Variants in CEP128 observed in about 807,000 individuals in gnomAD.
The protein encoded by CEP128 is centrosomal protein 128, also known as centrosomal protein 128kDa.
A neutral mutation model predicts 156.7 loss-of-function variants in CEP128; 132 were observed. The observed-to-expected ratio is 0.84, with a 90% CI of 0.73 to 0.97. The LOEUF is 0.97. Among genes scored for constraint, CEP128 ranks in the 50% least tolerant of loss-of-function variants. The pLI, the probability that CEP128 is intolerant of heterozygous loss-of-function variation, is 0.00. For missense variants in CEP128, 1,252 were observed against 1,281.9 expected (o/e 0.98, Z 0.36); for synonymous variants, 469 against 448.9 (o/e 1.04, Z -0.57).
intron 19 of CEP128, among the ~76,000 whole-genome samples, chr14:80,585,549 A>G (rs1026248843): frequency 2.0e-5 from 3 of 152,198 alleles, no homozygotes; most frequent in Non-Finnish European, 2.9e-5. Flanking sequence ...CCATATTACA[A>G]CTAAGCCCAA....
intron 19 of CEP128, among the ~76,000 whole-genome samples, chr14:80,621,451 T>A (rs1893476740): frequency 6.6e-6 from 1 of 152,222 alleles, no homozygotes; most frequent in Admixed American, 6.5e-5. Flanking sequence ...TGTGTTCTTA[T>A]ATTAATGATA....
intron 12 of CEP128, among the ~76,000 whole-genome samples, chr14:80,833,241 A>G (rs186845638): frequency 6.6e-6 from 1 of 151,908 alleles, no homozygotes; most frequent in African/African-American, 2.4e-5. Flanking sequence ...GTTTCTTGAT[A>G]TATACACATG....
At position 80,624,079 on chromosome 14, in the gene CEP128, C is replaced by G. The variant is rs530178964; in HGVS notation, c.2807-43656G>C. Among the ~76,000 whole-genome samples, 119 of 152,180 alleles carry G rather than the reference C, an allele frequency of 7.8e-4. 3 individuals are homozygous for G. Among genetic ancestry groups the G allele is most frequent in the South Asian group, 4.1e-4 (2 of 4,832 alleles). ...TTAACCAACCTCTTCCTATCATCCC[C>G]TTCCTCAATCTTCACAGTACCTCAT... On this transcript the variant is annotated intron_variant, in intron 19 of 24. Transcript: ENST00000555265.
At chr14:80,634,801 C>T (rs1894113502) in intron 19 of CEP128, among the ~76,000 whole-genome samples, 1 of 152,170 alleles carries the variant, frequency 6.6e-6, no homozygotes, top group African/African-American at 2.4e-5. Flanking sequence ...GTAACAAAAG[C>T]CTTCCAACAG....
intron 8 of CEP128, among the ~76,000 whole-genome samples, chr14:80,873,916 G>C (rs941792965): frequency 6.6e-6 from 1 of 151,744 alleles, no homozygotes; most frequent in Non-Finnish European, 1.5e-5. Context: ...CTCTCTTTTT[G>C]CCTGCTGTCA....
chr14:80,679,983 C>A (rs1353689268), intron 19 of CEP128, among the ~76,000 whole-genome samples: 1 of 152,142 alleles, frequency 6.6e-6, no homozygotes, highest in African/African-American at 2.4e-5. Flanking sequence ...GGGGTGGGTT[C>A]CCCCGATAGG....
At chr14:80,879,770 A>G (rs1387978190) in intron 8 of CEP128, among the ~76,000 whole-genome samples, 1 of 152,228 alleles carries the variant, frequency 6.6e-6, no homozygotes, top group Non-Finnish European at 1.5e-5. Context: ...TTAATGAAAT[A>G]ATTGCTGAAA....
chr14:80,520,989 ATTTTTTTTTTT>A (rs533538115), intron 23 of CEP128, among the ~76,000 whole-genome samples: 2 of 114,602 alleles, frequency 1.7e-5, no homozygotes, highest in Non-Finnish European at 3.6e-5. Context: ...CGCCCAGCTA[ATTTTTTTTTTT>A]TTTTTTTTTT....
rs769253255 is a variant in CEP128, at chr14:80,831,226, C to G, written c.1126G>C (p.Ala376Pro). The G allele has an allele frequency of 1.2e-6, 2 of 1,613,842 alleles. No individual in the cohort carries two copies. Among genetic ancestry groups the G allele is most frequent in the Admixed American group, 1.7e-5 (1 of 60,012 alleles). The change falls in exon 13 of 25, where the codon GCA becomes CCA. Residue 376 changes from alanine to proline, a missense_variant. Coordinates refer to ENST00000555265, the MANE Select transcript of CEP128 (RefSeq NM_152446.5). The part of the protein sequence containing the change: ...SDLRVQLNFS[A>P]MASELEEVKR... ...ACTTCCTCTAACTCAGATGCCATTGCGCTGAAGTTCAGCTGCACTCTCAAA... is the reference window on the plus strand; with the variant it reads ...ACTTCCTCTAACTCAGATGCCATTGGGCTGAAGTTCAGCTGCACTCTCAAA...
At position 80,693,236 on chromosome 14, in the gene CEP128, T is replaced by C. The variant is rs139544899; in HGVS notation, c.2806+49839A>G. ...GAGGATATTTATCAGTTTCAACCTG[T>C]TTTCAAGTCCCCTGTAAAAAGGTAT... On this transcript the variant is annotated intron_variant, in intron 19 of 24. Transcript: ENST00000555265. Among the ~76,000 whole-genome samples, 42 of 152,304 alleles carry C rather than the reference T, an allele frequency of 2.8e-4. No homozygotes were observed. In the East Asian group the frequency reaches 5.6e-3, roughly 20 times the overall value.
At position 80,895,793 on chromosome 14, in the gene CEP128, A is replaced by T; in HGVS notation, c.573-3T>A. 1 of 1,464,610 alleles carries T rather than the reference A, an allele frequency of 6.8e-7. No individual in the cohort carries two copies. The highest frequency in any genetic ancestry group is 8.9e-7 in the Non-Finnish European group (1 of 1,117,590). The allele number at this position is 1,464,610 out of a possible 1,614,324, so 90.7% of individuals were successfully genotyped here. A position where few individuals can be genotyped will look rare whatever the true frequency, so the allele number is the denominator to read the frequency against. On this transcript the variant is annotated splice_polypyrimidine_tract_variant and splice_region_variant and intron_variant, in intron 7 of 24. Coordinates refer to ENST00000555265, the MANE Select transcript of CEP128 (RefSeq NM_152446.5). ...CCCTTTTTGTTTCGGCATCTGACCT[A>T]GGAAGAAAAAAAAAAAAAAGATTTA...
At chr14:80,719,425 G>A (rs1184062257) in intron 19 of CEP128, among the ~76,000 whole-genome samples, 1 of 152,130 alleles carries the variant, frequency 6.6e-6, no homozygotes, top group Non-Finnish European at 1.5e-5. Context: ...AACTCTTTGG[G>A]CTAAGCCCCA....
intron 19 of CEP128, among the ~76,000 whole-genome samples, chr14:80,587,282 G>GA (rs1281309811): frequency 1.3e-5 from 2 of 152,172 alleles, no homozygotes; most frequent in East Asian, 3.9e-4. Flanking sequence ...CCTTACCACA[G>GA]AAAACACACA....
At chr14:80,717,989 G>C (rs1374821353) in intron 19 of CEP128, among the ~76,000 whole-genome samples, 1 of 151,862 alleles carries the variant, frequency 6.6e-6, no homozygotes, top group Non-Finnish European at 1.5e-5. Flanking sequence ...TAACTTGTGT[G>C]TGTGTATGTG....
At chr14:80,568,590 A>G (rs1891014171) in intron 20 of CEP128, among the ~76,000 whole-genome samples, 1 of 152,192 alleles carries the variant, frequency 6.6e-6, no homozygotes, top group Non-Finnish European at 1.5e-5. Flanking sequence ...ATCAACATCG[A>G]AGCAGAAAGT....
chr14:80,885,175 G>A (rs2139338498), intron 8 of CEP128, among the ~76,000 whole-genome samples: 1 of 152,306 alleles, frequency 6.6e-6, no homozygotes, highest in South Asian at 2.1e-4. Flanking sequence ...CAGCACCTGG[G>A]GAAAGGGGTG....
intron 23 of CEP128, among the ~76,000 whole-genome samples, chr14:80,517,945 G>A (rs537397457): frequency 3.0e-4 from 45 of 152,206 alleles, no homozygotes; most frequent in Admixed American, 1.8e-3. Context: ...GCCAGATCCA[G>A]AGGGGTGGAA....
At chr14:80,847,506 A>G (rs1886669486) in intron 9 of CEP128, among the ~76,000 whole-genome samples, 1 of 152,200 alleles carries the variant, frequency 6.6e-6, no homozygotes, top group Non-Finnish European at 1.5e-5. Flanking sequence ...ACAAAGAGCA[A>G]TGGTATGGAT....
chr14:80,937,028 A>G (rs1885845333), intron 2 of CEP128, among the ~76,000 whole-genome samples: 1 of 152,102 alleles, frequency 6.6e-6, no homozygotes, highest in Middle Eastern at 3.2e-3. Flanking sequence ...GTAAAAATAA[A>G]TAATACGGGC....
Sources: gnomAD v4.1 joint callset for allele counts (sites outside exome capture counted in the v4.1 genomes callset) on GRCh38, gnomAD v4.1.1 for gene constraint, MANE v1.5 for transcripts, NCBI Gene and HGNC (gene_info 2026-07-23, HGNC 2026-07-21) for gene names.